Variants in GABRB3 observed in about 807,000 individuals in gnomAD.
GABRB3 encodes gamma-aminobutyric acid receptor subunit beta-3.
In GABRB3, 14 loss-of-function variants were observed where a neutral mutation model predicts 52.1. The ratio of observed to expected loss-of-function variants is 0.27; its 90% CI spans 0.18 to 0.42. The LOEUF is 0.42. GABRB3 is among the 10% of genes least tolerant of loss of function. The pLI is 1.00. For missense variants in GABRB3, 307 were observed against 609.1 expected (o/e 0.50, Z 5.22); for synonymous variants, 260 against 232.3 (o/e 1.12, Z -1.08).
intron 8 of GABRB3, among the ~76,000 whole-genome samples, chr15:26,552,095 C>T (rs1473860055): frequency 1.3e-5 from 2 of 152,120 alleles, no homozygotes; most frequent in African/African-American, 4.8e-5. Context: ...CAACCTCCTC[C>T]TCCTGGGTTC....
chr15:26,635,848 A>G (rs748355761), intron 3 of GABRB3, among the ~76,000 whole-genome samples: 2 of 152,174 alleles, frequency 1.3e-5, no homozygotes, highest in Non-Finnish European at 2.9e-5. Flanking sequence ...ATTTTTAGAG[A>G]GCAAGTCTAT....
At chr15:26,765,186 A>T (rs1432934636) in intron 3 of GABRB3, among the ~76,000 whole-genome samples, 1 of 151,378 alleles carries the variant, frequency 6.6e-6, no homozygotes, top group Non-Finnish European at 1.5e-5. Flanking sequence ...CCACCCTCAT[A>T]TACTTTCTAA....
chr15:26,760,886 C>T (rs890902863), intron 3 of GABRB3, among the ~76,000 whole-genome samples: 2 of 151,568 alleles, frequency 1.3e-5, no homozygotes, highest in African/African-American at 2.4e-5. Flanking sequence ...TTTGAATTTC[C>T]GGATCTGCTT....
In GABRB3 at chr15:26,727,997, G is replaced by T. The variant is rs1889817184; in HGVS notation, c.240+44405C>A. ...ACTAACTAGAATACAATACTTGAGA[G>T]GAGCTGTTATTCCCTTCTAGTCAAT... On this transcript the variant is annotated intron_variant, in intron 3 of 8. Coordinates refer to ENST00000311550, the MANE Select transcript of GABRB3 (RefSeq NM_000814.6). 4.6e-5 allele frequency among the ~76,000 whole-genome samples: 7 copies of T among 152,278 alleles called. No individual in the cohort carries two copies. The South Asian group carries it at 1.4e-3, about 32-fold the overall frequency.
chr15:26,710,761 T>A (rs1017151382), intron 3 of GABRB3, among the ~76,000 whole-genome samples: 6 of 152,144 alleles, frequency 3.9e-5, no homozygotes, highest in Non-Finnish European at 8.8e-5. Context: ...AGTGTGCCCA[T>A]TTTTCAACTG....
At chr15:26,585,641 T>C (rs76789856) in intron 4 of GABRB3, among the ~76,000 whole-genome samples, 2,425 of 152,342 alleles carry the variant, frequency 0.016, 62 homozygotes, top group African/African-American at 0.055. Flanking sequence ...ATAGCATGCA[T>C]GCACCATGCA....
intron 3 of GABRB3, among the ~76,000 whole-genome samples, chr15:26,677,452 A>G (rs1446292435): frequency 1.3e-5 from 2 of 152,162 alleles, no homozygotes; most frequent in Non-Finnish European, 2.9e-5. Flanking sequence ...AAAATACAGG[A>G]AGCCAAGGGC....
At chr15:26,661,823 C>G (rs183450875) in intron 3 of GABRB3, among the ~76,000 whole-genome samples, 2 of 152,100 alleles carry the variant, frequency 1.3e-5, no homozygotes, top group South Asian at 4.1e-4. Flanking sequence ...GGAACAGCGT[C>G]CTCCCAGTCC....
intron 3 of GABRB3, among the ~76,000 whole-genome samples, chr15:26,758,349 T>A (rs1890719338): frequency 6.6e-6 from 1 of 152,164 alleles, no homozygotes; most frequent in African/African-American, 2.4e-5. Flanking sequence ...TGTCAGCCTT[T>A]GTTTAACAAA....
intron 3 of GABRB3, among the ~76,000 whole-genome samples, chr15:26,678,781 C>A (rs899569900): frequency 6.6e-6 from 1 of 152,148 alleles, no homozygotes; most frequent in Non-Finnish European, 1.5e-5. Flanking sequence ...GCCCTGGTTG[C>A]TGGGAGCAAA....
intron 3 of GABRB3, among the ~76,000 whole-genome samples, chr15:26,740,122 C>A (rs887416291): frequency 2.0e-5 from 3 of 152,096 alleles, no homozygotes; most frequent in African/African-American, 7.2e-5. Flanking sequence ...CAGGGCTGAC[C>A]AAGTGACTTG....
intron 3 of GABRB3, chr15:26,658,391 C>A (rs1419400209): frequency 6.6e-6 from 1 of 152,200 alleles, no homozygotes; most frequent in Non-Finnish European, 1.5e-5. Flanking sequence ...ATTTCTGTAT[C>A]TCAATAAATC....
chr15:26,628,019 T>C (rs1328063550), intron 3 of GABRB3, among the ~76,000 whole-genome samples: 12 of 152,318 alleles, frequency 7.9e-5, no homozygotes, highest in Non-Finnish European at 1.8e-4. Flanking sequence ...CCATCAACAC[T>C]GAGGCAAGAC....
At chr15:26,764,780 G>A (rs1264000498) in intron 3 of GABRB3, among the ~76,000 whole-genome samples, 2 of 152,128 alleles carry the variant, frequency 1.3e-5, no homozygotes, top group Non-Finnish European at 2.9e-5. Context: ...TCTGCTCCAC[G>A]GCACTGCTGA....
intron 4 of GABRB3, among the ~76,000 whole-genome samples, chr15:26,584,690 T>C (rs2140741266): frequency 6.6e-6 from 1 of 152,320 alleles, no homozygotes; most frequent in South Asian, 2.1e-4. Flanking sequence ...CAAGTCCACT[T>C]CCTACTCTGC....
chr15:26,679,874 C>T (rs755913089), intron 3 of GABRB3, among the ~76,000 whole-genome samples: 89 of 152,312 alleles, frequency 5.8e-4, no homozygotes, highest in Non-Finnish European at 1.1e-3. Flanking sequence ...AGACTGAGCC[C>T]TGATCTGTGG....
At chr15:26,644,589 CT>C (rs1893298907) in intron 3 of GABRB3, among the ~76,000 whole-genome samples, 1 of 152,236 alleles carries the variant, frequency 6.6e-6, no homozygotes, top group Non-Finnish European at 1.5e-5. Context: ...GCACCTTGAT[CT>C]GGGGCTTCCA....
chr15:26,606,805 T>TATCGATAGATAGATAGATAG (rs1275882932), intron 4 of GABRB3, among the ~76,000 whole-genome samples: 1 of 117,950 alleles, frequency 8.5e-6, no homozygotes, highest in Non-Finnish European at 2.0e-5. Flanking sequence ...TAGATATATC[T>TATCGATAGATAGATAGATAG]ATAGATAGAT....
At chr15:26,680,862 A>C (rs920704819) in intron 3 of GABRB3, among the ~76,000 whole-genome samples, 1 of 152,204 alleles carries the variant, frequency 6.6e-6, no homozygotes, top group East Asian at 1.9e-4. Flanking sequence ...TGTCAAACTC[A>C]GGTCAAGGAA....
Sources: allele counts gnomAD v4.1 joint callset (sites outside exome capture counted in the v4.1 genomes callset), GRCh38; gene constraint gnomAD v4.1.1; transcripts MANE v1.5; gene names NCBI Gene and HGNC (gene_info 2026-07-23, HGNC 2026-07-21).